The following SNX29 variants were observed in gnomAD, a reference collection of about 807,000 sequenced individuals.
SNX29 encodes sorting nexin 29, also known as sorting nexin-29.
Under a neutral mutation model 102.1 loss-of-function variants are expected in SNX29, and 78 were observed. The ratio of observed to expected loss-of-function variants is 0.76; its 90% CI spans 0.64 to 0.92. The LOEUF is 0.92. SNX29 is among the 40% of genes least tolerant of loss of function. The pLI, the probability that SNX29 is intolerant of heterozygous loss-of-function variation, is 0.00. For synonymous variants in SNX29, 580 were observed against 414.5 expected (o/e 1.40, Z -4.85); for missense variants, 1,280 against 1,061.7 (o/e 1.21, Z -2.86).
chr16:12,312,427 A>G (rs922453474), intron 15 of SNX29, among the ~76,000 whole-genome samples: 3 of 152,146 alleles, frequency 2.0e-5, no homozygotes, highest in African/African-American at 7.2e-5. Context: ...CATTGGTGAG[A>G]GTGAGGGTCT....
At chr16:12,362,319 A>G (rs545326264) in intron 16 of SNX29, among the ~76,000 whole-genome samples, 1 of 152,172 alleles carries the variant, frequency 6.6e-6, no homozygotes, top group South Asian at 2.1e-4. Context: ...CACAGGGCTC[A>G]GTTAGACTGG....
rs1003305773 is a variant in SNX29, at chr16:12,574,041, G to C, written c.*5412G>C. 2.6e-5 allele frequency: 5 copies of C among 195,206 alleles called. No homozygotes were observed. Among genetic ancestry groups the C allele is most frequent in the African/African-American group, 9.3e-5 (4 of 43,224 alleles). 12.1% of individuals were successfully genotyped at this position (195,206 alleles called of 1,614,324 possible). On this transcript the variant is annotated 3_prime_UTR_variant, in exon 21 of 21. Transcript: ENST00000566228. ...CAGGCCACATATCTAGAGTCTGATA[G>C]TCTGTGTGTACATAAGGTCTAGAAG...
At chr16:12,392,517 C>T (rs1347017614) in intron 16 of SNX29, among the ~76,000 whole-genome samples, 5 of 152,140 alleles carry the variant, frequency 3.3e-5, no homozygotes, top group South Asian at 4.2e-4. Context: ...ATTCACTGAG[C>T]GATCAGATGT....
intron 11 of SNX29, among the ~76,000 whole-genome samples, chr16:12,082,170 C>G (rs2051930886): frequency 6.6e-6 from 1 of 151,948 alleles, no homozygotes; most frequent in East Asian, 1.9e-4. Context: ...TGAGGCACAG[C>G]TACTGTAAAG....
In SNX29 at chr16:12,569,422, C is replaced by T; in HGVS notation, c.*793C>T. The T allele has an allele frequency of 4.3e-6, 1 of 230,666 alleles. No homozygotes were observed. The highest frequency in any genetic ancestry group is 5.7e-5 in the Admixed American group (1 of 17,662). 14.3% of individuals were successfully genotyped at this position (230,666 alleles called of 1,614,324 possible). A position where few individuals can be genotyped will look rare whatever the true frequency, so the allele number is the denominator to read the frequency against. ...CAGCAACCTAGTAACCCGGCGTCAT[C>T]CAGCGTGTCCAAAGTAGCATTGGCC... On this transcript the variant is annotated 3_prime_UTR_variant, in exon 21 of 21. Coordinates refer to ENST00000566228, the MANE Select transcript of SNX29 (RefSeq NM_032167.5).
At chr16:12,412,829 A>G (rs2084459061) in intron 18 of SNX29, among the ~76,000 whole-genome samples, 1 of 152,218 alleles carries the variant, frequency 6.6e-6, no homozygotes, top group Non-Finnish European at 1.5e-5. Context: ...TTTATATGAG[A>G]AAATCAAAAG....
chr16:12,383,295 G>C (rs985760407), intron 16 of SNX29, among the ~76,000 whole-genome samples: 2 of 152,106 alleles, frequency 1.3e-5, no homozygotes, highest in African/African-American at 4.8e-5. Context: ...CACTGGGATA[G>C]GTCTTGGGTA....
At chr16:12,551,956 C>T (rs2078004304) in intron 20 of SNX29, among the ~76,000 whole-genome samples, 1 of 152,204 alleles carries the variant, frequency 6.6e-6, no homozygotes, top group African/African-American at 2.4e-5. Flanking sequence ...GATTCCCCAG[C>T]CAGGCTGTGC....
chr16:12,400,170 C>G (rs1425610998), intron 17 of SNX29, among the ~76,000 whole-genome samples: 1 of 152,180 alleles, frequency 6.6e-6, no homozygotes, highest in Non-Finnish European at 1.5e-5. Flanking sequence ...CCATTCCCCT[C>G]TCAGCATGGA....
intron 14 of SNX29, among the ~76,000 whole-genome samples, chr16:12,240,167 T>C (rs1462073875): frequency 6.6e-6 from 1 of 152,250 alleles, no homozygotes; most frequent in African/African-American, 2.4e-5. Flanking sequence ...TTGTTATTAC[T>C]GCCATGGTGA....
chr16:12,553,897 G>A (rs994500390), intron 20 of SNX29, among the ~76,000 whole-genome samples: 2 of 152,132 alleles, frequency 1.3e-5, no homozygotes, highest in Non-Finnish European at 2.9e-5. Context: ...AGGCTGGAGT[G>A]CAGTGGCATG....
intron 13 of SNX29, among the ~76,000 whole-genome samples, chr16:12,198,529 A>C (rs763890179): frequency 1.2e-4 from 18 of 152,364 alleles, no homozygotes; most frequent in South Asian, 4.1e-4. Flanking sequence ...AAAATATTCT[A>C]GCACATTTAA....
intron 15 of SNX29, among the ~76,000 whole-genome samples, chr16:12,354,333 A>T (rs1232857605): frequency 6.6e-6 from 1 of 151,994 alleles, no homozygotes; most frequent in Non-Finnish European, 1.5e-5. Context: ...GTTGCATGGG[A>T]TTTTTCCTTT....
At chr16:12,476,407 T>TAC (rs1567603288) in intron 18 of SNX29, among the ~76,000 whole-genome samples, 7 of 20,698 alleles carry the variant, frequency 3.4e-4, no homozygotes, top group African/African-American at 4.7e-4. Context: ...TATATATATA[T>TAC]ATATACATAT....
intron 20 of SNX29, among the ~76,000 whole-genome samples, chr16:12,550,119 C>T (rs146770291): frequency 2.6e-5 from 4 of 152,290 alleles, no homozygotes; most frequent in African/African-American, 4.8e-5. Flanking sequence ...GGCTGATGTA[C>T]ACTCACATGT....
At chr16:12,386,054 G>A (rs1159182746) in intron 16 of SNX29, among the ~76,000 whole-genome samples, 1 of 152,330 alleles carries the variant, frequency 6.6e-6, no homozygotes, top group South Asian at 2.1e-4. Context: ...CCCCGTCACT[G>A]CAGAGTTCTG....
At chr16:12,280,067 T>C (rs1201603758) in intron 15 of SNX29, among the ~76,000 whole-genome samples, 2 of 152,084 alleles carry the variant, frequency 1.3e-5, no homozygotes, top group East Asian at 3.9e-4. Flanking sequence ...GACCCTCTGA[T>C]TGATTGGGTG....
chr16:12,549,031 T>C lies in SNX29; in HGVS notation c.2319-19475T>C, dbSNP rs573342069. Among the ~76,000 whole-genome samples the C allele has an allele frequency of 3.3e-4, 51 of 152,250 alleles. No individual in the cohort carries two copies. The East Asian group carries it at 8.9e-3, about 27-fold the overall frequency. ...GTAACAGCATAAAAAGCTTGTGGAGTATCTTAGGTGAGTCCACTCTTGCAG... is the reference window on the plus strand; with the variant it reads ...GTAACAGCATAAAAAGCTTGTGGAGCATCTTAGGTGAGTCCACTCTTGCAG... On this transcript the variant is annotated intron_variant, in intron 20 of 20. Transcript: ENST00000566228.
At chr16:12,311,492 C>T (rs1183570297) in intron 15 of SNX29, among the ~76,000 whole-genome samples, 3 of 152,220 alleles carry the variant, frequency 2.0e-5, no homozygotes, top group East Asian at 1.9e-4. Context: ...CCATGCTGGC[C>T]GCCTCCCATT....
Sources: allele counts gnomAD v4.1 joint callset (sites outside exome capture counted in the v4.1 genomes callset), GRCh38; gene constraint gnomAD v4.1.1; transcripts MANE v1.5; gene names NCBI Gene and HGNC (gene_info 2026-07-23, HGNC 2026-07-21).